FAHD2B: variants seen among roughly 807,000 people sequenced by gnomAD.
The protein encoded by FAHD2B is fumarylacetoacetate hydrolase domain containing 2B, also known as oxaloacetate tautomerase FAHD2B, mitochondrial.
A neutral mutation model predicts 33.7 loss-of-function variants in FAHD2B; 26 were observed. That is an observed-to-expected ratio of 0.77 (90% CI 0.57 to 1.07). The LOEUF is 1.07. Ranked by LOEUF, FAHD2B falls within the 50% of genes least tolerant of loss-of-function variation. The pLI, the probability that FAHD2B is intolerant of heterozygous loss-of-function variation, is 0.00. For synonymous variants in FAHD2B, 108 were observed against 150.9 expected, an observed-to-expected ratio of 0.72 and a Z score of 2.08; for missense variants, 272 against 388.1, an observed-to-expected ratio of 0.70 and a Z score of 2.51.
chr2:97,082,452 G>A (rs2031680751), downstream of FAHD2B: 1 of 1,613,474 alleles, frequency 6.2e-7, no homozygotes, highest in South Asian at 1.1e-5. Context: ...CGCCCAGGAA[G>A]AAGGGATCTT....
At chr2:97,090,662 C>A (rs1396642181) in intron 3 of FAHD2B, among the ~76,000 whole-genome samples, 2 of 152,070 alleles carry the variant, frequency 1.3e-5, no homozygotes, top group African/African-American at 4.8e-5. Flanking sequence ...CTTCTCCCAC[C>A]CTTTTGTATG....
intron 4 of FAHD2B, among the ~76,000 whole-genome samples, chr2:97,089,377 G>A (rs2032190375): frequency 6.7e-6 from 1 of 149,742 alleles, no homozygotes; most frequent in African/African-American, 2.4e-5. Flanking sequence ...AAATTAGGTG[G>A]GCGTGGTGGC....
chr2:97,080,073 T>C (rs2031590633), downstream of FAHD2B, among the ~76,000 whole-genome samples: 1 of 152,182 alleles, frequency 6.6e-6, no homozygotes, highest in South Asian at 2.1e-4. Context: ...TTTCTTTTGC[T>C]GTGTGGAAAC....
At chr2:97,090,668 G>C (rs570297722) in intron 3 of FAHD2B, among the ~76,000 whole-genome samples, 21 of 152,110 alleles carry the variant, frequency 1.4e-4, no homozygotes, top group Non-Finnish European at 2.5e-4. Context: ...CCACCCTTTT[G>C]TATGTAATGA....
chr2:97,081,751 T>A (rs548633374), downstream of FAHD2B, among the ~76,000 whole-genome samples: 4 of 148,756 alleles, frequency 2.7e-5, no homozygotes, highest in South Asian at 8.3e-4. Context: ...TGGACATGTG[T>A]GCCTCTGAGG....
chr2:97,082,537 C>G (rs958872692), downstream of FAHD2B: 1 of 1,600,454 alleles, frequency 6.2e-7, no homozygotes, highest in African/African-American at 1.3e-5. Flanking sequence ...CCCTGCCAGA[C>G]AGTGACAACC....
intron 2 of FAHD2B, 56 bp downstream of exon 2, chr2:97,091,807 C>T: frequency 1.3e-6 from 2 of 1,507,458 alleles, no homozygotes; most frequent in Admixed American, 2.2e-5. Context: ...AGGCCCTTTG[C>T]CCCATCAACC....
rs371137703 is a variant in FAHD2B, at chr2:97,083,648, C to A, written c.*107G>T. 16 of 1,563,230 alleles carry A rather than the reference C, an allele frequency of 1.0e-5. No individual in the cohort carries two copies. In the African/African-American group the frequency reaches 2.2e-4, roughly 21 times the overall value. ...CCTTCTCCCTTCTACCGAGAAGAGG[C>A]GGCTTGCAGGGCTGGCACCTGCCCA... On this transcript the variant is annotated 3_prime_UTR_variant, in exon 9 of 9. Transcript: ENST00000414820.
At chr2:97,087,515 T>A (rs925446115) in intron 4 of FAHD2B, among the ~76,000 whole-genome samples, 1 of 151,926 alleles carries the variant, frequency 6.6e-6, no homozygotes, top group Non-Finnish European at 1.5e-5. Flanking sequence ...CTGGCCAACA[T>A]GGTGAAACCC....
downstream of FAHD2B, chr2:97,082,077 T>G: frequency 6.3e-7 from 1 of 1,586,034 alleles, no homozygotes; most frequent in Non-Finnish European, 8.6e-7. Context: ...ATAGTGACAG[T>G]GATGACTTCA....
At chr2:97,091,744 G>A (rs1170776421) in intron 2 of FAHD2B, 32 bp from the exon 3 acceptor site, 3 of 1,584,728 alleles carry the variant, frequency 1.9e-6, no homozygotes, top group Non-Finnish European at 2.6e-6. Flanking sequence ...CCAGGAGATG[G>A]AGGATCTCAG....
chr2:97,084,177 C>A lies in FAHD2B; in HGVS notation c.786G>T (p.Trp262Cys). 7 of 1,613,770 alleles carry A rather than the reference C, an allele frequency of 4.3e-6. No homozygotes were observed. Among genetic ancestry groups the A allele is most frequent in the African/African-American group, 1.3e-5 (1 of 75,030 alleles). The change falls in exon 7 of 9, where the codon TGG (tryptophan) becomes TGT (cysteine). Residue 262 changes from tryptophan (W) to cysteine (C), a missense_variant. By Grantham distance (215) the Trp-to-Cys change is radical (BLOSUM62 -2). Transcript: ENST00000414820. ...CAGCCCTTGTCACTCACTGGGAGAC[C>A]CAGGCTATCAGGTCCTCTGTCTTGA... is the stretch of plus-strand genomic sequence containing the variant. ...MVFKTEDLIA[W>C]VSQFVTFYPG...
At chr2:97,083,216 A>G, downstream of FAHD2B, 1 of 1,609,082 alleles carries the variant, frequency 6.2e-7, no homozygotes, top group Non-Finnish European at 8.5e-7. Flanking sequence ...CAGGACAATC[A>G]GGAAAAACTA....
downstream of FAHD2B, chr2:97,081,394 G>A (rs2031639549): frequency 1.9e-6 from 3 of 1,551,584 alleles, no homozygotes; most frequent in East Asian, 2.4e-5. Context: ...CCCTGCCCAT[G>A]TGCCTGGCTC....
At chr2:97,082,456 G>A (rs566638757), downstream of FAHD2B, 3 of 1,613,492 alleles carry the variant, frequency 1.9e-6, no homozygotes, top group African/African-American at 2.7e-5. Flanking sequence ...CAGGAAGAAG[G>A]GATCTTCGGT....
chr2:97,080,519 A>G (rs2031605243), downstream of FAHD2B, among the ~76,000 whole-genome samples: 1 of 151,992 alleles, frequency 6.6e-6, no homozygotes, highest in African/African-American at 2.4e-5. Context: ...GTTGAAGAGC[A>G]TGATGCCTCC....
At chr2:97,083,477 T>A, downstream of FAHD2B, 1 of 1,093,700 alleles carries the variant, frequency 9.1e-7, no homozygotes, top group Non-Finnish European at 1.3e-6. Flanking sequence ...GCAGCATCTT[T>A]TTGGCGTATG....
downstream of FAHD2B, chr2:97,082,163 G>A (rs553924494): frequency 2.6e-4 from 400 of 1,540,800 alleles, no homozygotes; most frequent in Non-Finnish European, 3.4e-4. Flanking sequence ...GAGGTGGTGG[G>A]GAGCTGCACT....
intron 5 of FAHD2B, 132 bp from the exon 6 acceptor site, chr2:97,085,993 C>T (rs2031958057): frequency 3.6e-6 from 5 of 1,370,842 alleles, no homozygotes; most frequent in Non-Finnish European, 5.1e-6. Flanking sequence ...AAGGGAAAGG[C>T]AGTGTCAGGG....
Sources: gnomAD v4.1 joint callset for allele counts (sites outside exome capture counted in the v4.1 genomes callset) on GRCh38, gnomAD v4.1.1 for gene constraint, MANE v1.5 for transcripts, NCBI Gene and HGNC (gene_info 2026-07-23, HGNC 2026-07-21) for gene names.